Variants in COLEC12 observed in about 807,000 individuals in gnomAD.
COLEC12 encodes the protein collectin subfamily member 12.
COLEC12 carries 33 observed loss-of-function variants against 71.1 expected under a neutral mutation model. The ratio of observed to expected loss-of-function variants is 0.46; its 90% CI spans 0.35 to 0.62. The LOEUF is 0.62. Among genes scored for constraint, COLEC12 ranks in the 20% least tolerant of loss-of-function variants. The pLI, the probability that COLEC12 is intolerant of heterozygous loss-of-function variation, is 0.00. For missense variants in COLEC12, 765 were observed against 916.1 expected (o/e 0.84, Z 2.13); for synonymous variants, 350 against 353.0 (o/e 0.99, Z 0.10).
intron 2 of COLEC12, among the ~76,000 whole-genome samples, chr18:478,272 A>C (rs1251316716): frequency 6.6e-6 from 1 of 152,182 alleles, no homozygotes; most frequent in East Asian, 1.9e-4. Flanking sequence ...GCAAGGACTT[A>C]ATCTATCTGG....
chr18:476,489 T>C (rs1006367840), intron 2 of COLEC12, among the ~76,000 whole-genome samples: 2 of 152,224 alleles, frequency 1.3e-5, no homozygotes, highest in African/African-American at 4.8e-5. Flanking sequence ...TCCATCATCC[T>C]AACTTTGGAC....
At chr18:498,377 T>C (rs865923098) in intron 1 of COLEC12, among the ~76,000 whole-genome samples, 1 of 138,254 alleles carries the variant, frequency 7.2e-6, no homozygotes, top group Non-Finnish European at 1.5e-5. Context: ...TTTTTTTTTT[T>C]AGACGGAGTC....
chr18:384,030 A>G (rs1183745853), intron 2 of COLEC12, among the ~76,000 whole-genome samples: 1 of 152,194 alleles, frequency 6.6e-6, no homozygotes, highest in East Asian at 1.9e-4. Context: ...TGATCCAATT[A>G]TCTCCCACTG....
At chr18:396,202 T>C (rs888011283) in intron 2 of COLEC12, among the ~76,000 whole-genome samples, 1 of 152,032 alleles carries the variant, frequency 6.6e-6, no homozygotes, top group East Asian at 1.9e-4. Context: ...TTTGGGAGAG[T>C]GGCAGCAGGT....
At chr18:483,549 A>G (rs1203456793) in intron 1 of COLEC12, among the ~76,000 whole-genome samples, 1 of 152,142 alleles carries the variant, frequency 6.6e-6, no homozygotes, top group Non-Finnish European at 1.5e-5. Flanking sequence ...AGGTATTTAT[A>G]CTCAAAGTGG....
intron 2 of COLEC12, among the ~76,000 whole-genome samples, chr18:414,167 T>G (rs1178332762): frequency 6.6e-6 from 1 of 152,222 alleles, no homozygotes; most frequent in East Asian, 1.9e-4. Context: ...CTCCATATTA[T>G]TTCTTGCAAC....
At chr18:434,794 A>G (rs1345182617) in intron 2 of COLEC12, among the ~76,000 whole-genome samples, 1 of 152,140 alleles carries the variant, frequency 6.6e-6, no homozygotes, top group Non-Finnish European at 1.5e-5. Context: ...GACTCCTTCA[A>G]ATAGCTTTTA....
intron 8 of COLEC12, among the ~76,000 whole-genome samples, chr18:324,064 G>A (rs953177370): frequency 6.6e-6 from 1 of 152,138 alleles, no homozygotes; most frequent in Non-Finnish European, 1.5e-5. Flanking sequence ...GGTGACTGCA[G>A]TAGGCCAGAA....
At chr18:483,715 G>C (rs1328493684) in intron 1 of COLEC12, among the ~76,000 whole-genome samples, 3 of 152,170 alleles carry the variant, frequency 2.0e-5, no homozygotes, top group Non-Finnish European at 2.9e-5. Flanking sequence ...TTACTAATCT[G>C]TCCTATTAAT....
rs1167689995 is a variant in COLEC12, at chr18:319,517, A to T, written c.*528T>A. 3 of 150,032 alleles carry T rather than the reference A, an allele frequency of 2.0e-5. No homozygotes were observed. The highest frequency in any genetic ancestry group is 7.3e-5 in the African/African-American group (3 of 41,042). The allele number at this position is 150,032 out of a possible 1,614,324, so 9.3% of individuals were successfully genotyped here. A position where few individuals can be genotyped will look rare whatever the true frequency, so the allele number is the denominator to read the frequency against. The stretch of plus-strand genomic sequence containing the variant: ...GTATTATGTCGGTAAAATGACAAAA[A>T]AAAAAAAAGGAAAAAAATTGTAAAA... On this transcript the variant is annotated 3_prime_UTR_variant, in exon 10 of 10. Transcript: ENST00000400256.
intron 2 of COLEC12, among the ~76,000 whole-genome samples, chr18:447,363 C>T (rs1916673455): frequency 6.6e-6 from 1 of 152,206 alleles, no homozygotes; most frequent in African/African-American, 2.4e-5. Context: ...ACATCCCTTC[C>T]ACTTCCCCTG....
chr18:355,457 A>G (rs775866580), intron 3 of COLEC12, among the ~76,000 whole-genome samples: 5 of 152,198 alleles, frequency 3.3e-5, no homozygotes, highest in African/African-American at 4.8e-5. Context: ...CTTTCCATGG[A>G]TAAAAAGGGA....
chr18:364,209 A>C (rs1205295938), intron 2 of COLEC12, among the ~76,000 whole-genome samples: 1 of 152,206 alleles, frequency 6.6e-6, no homozygotes, highest in East Asian at 1.9e-4. Context: ...TATTTATTTA[A>C]AATTTATAAT....
chr18:390,626 G>A (rs749252818), intron 2 of COLEC12, among the ~76,000 whole-genome samples: 3 of 152,086 alleles, frequency 2.0e-5, no homozygotes, highest in African/African-American at 4.8e-5. Flanking sequence ...CAGGCATGCC[G>A]GTGTGTGCCT....
chr18:321,944 A>G, intron 8 of COLEC12, 137 bp from the exon 9 acceptor site: 1 of 818,012 alleles, frequency 1.2e-6, no homozygotes, highest in South Asian at 1.7e-5. Context: ...TTTAAAAATC[A>G]GTACATGCTC....
intron 1 of COLEC12, among the ~76,000 whole-genome samples, chr18:498,635 T>C (rs905194956): frequency 1.4e-4 from 22 of 152,268 alleles, no homozygotes; most frequent in Admixed American, 1.3e-3. Context: ...GTGCTGGGAT[T>C]ACAGGTGTGA....
chr18:417,965 C>T (rs9303943), intron 2 of COLEC12, among the ~76,000 whole-genome samples: 147,705 of 152,206 alleles, frequency 0.97, 71,826 homozygotes, highest in East Asian at 1. Context: ...AGGAGGATGG[C>T]CCTGCCCCGC....
chr18:486,357 G>A (rs982843213), intron 1 of COLEC12, among the ~76,000 whole-genome samples: 3 of 152,082 alleles, frequency 2.0e-5, no homozygotes, highest in African/African-American at 7.2e-5. Flanking sequence ...CCTAATTTCT[G>A]TATGTTTAGT....
intron 2 of COLEC12, among the ~76,000 whole-genome samples, chr18:376,364 A>G (rs1483760124): frequency 2.6e-5 from 4 of 152,188 alleles, no homozygotes; most frequent in Non-Finnish European, 5.9e-5. Context: ...CAGAAAATCC[A>G]TGGATTGGAG....
Sources: allele counts gnomAD v4.1 joint callset (sites outside exome capture counted in the v4.1 genomes callset), GRCh38; gene constraint gnomAD v4.1.1; transcripts MANE v1.5; gene names NCBI Gene and HGNC (gene_info 2026-07-23, HGNC 2026-07-21).